Variants in CWC27 observed in about 807,000 individuals in gnomAD.
The protein encoded by CWC27 is CWC27 spliceosome associated cyclophilin, also known as spliceosome-associated protein CWC27 homolog.
A neutral mutation model predicts 63.6 loss-of-function variants in CWC27; 47 were observed. That is an observed-to-expected ratio of 0.74 (90% confidence interval 0.58 to 0.94). The LOEUF is 0.94. Ranked by LOEUF, CWC27 falls within the 40% of genes least tolerant of loss-of-function variation. The pLI is 0.00. For synonymous variants in CWC27, 175 were observed against 179.8 expected, an observed-to-expected ratio of 0.97 and a Z score of 0.22; for missense variants, 495 against 554.3, an observed-to-expected ratio of 0.89 and a Z score of 1.07.
chr5:64,829,667 A>C (rs1376329392), intron 10 of CWC27, among the ~76,000 whole-genome samples: 191 of 138,562 alleles, frequency 1.4e-3, no homozygotes, highest in African/African-American at 5.1e-3. Context: ...TTTTTACTAT[A>C]AGTTCTGGGA....
intron 2 of CWC27, among the ~76,000 whole-genome samples, chr5:64,775,333 C>G (rs1468188301): frequency 2.0e-5 from 3 of 152,148 alleles, no homozygotes; most frequent in African/African-American, 7.2e-5. Context: ...CTTGCCTGCT[C>G]CCCTTCCTGT....
chr5:64,923,988 A>G (rs1353994863), intron 11 of CWC27, among the ~76,000 whole-genome samples: 5 of 151,908 alleles, frequency 3.3e-5, no homozygotes, highest in Admixed American at 1.3e-4. Context: ...CCTTATAGAC[A>G]ATCTTATACA....
At chr5:64,889,520 A>G (rs1331449269) in intron 11 of CWC27, among the ~76,000 whole-genome samples, 1 of 152,236 alleles carries the variant, frequency 6.6e-6, no homozygotes, top group Non-Finnish European at 1.5e-5. Flanking sequence ...GGATTTAGAG[A>G]AAATCCAGTT....
chr5:64,970,567 G>A (rs1749106573), intron 11 of CWC27, among the ~76,000 whole-genome samples: 1 of 152,090 alleles, frequency 6.6e-6, no homozygotes. Context: ...AGTCGTGATG[G>A]CATACTCTTT....
intron 11 of CWC27, among the ~76,000 whole-genome samples, chr5:64,969,200 C>T (rs929832873): frequency 3.3e-5 from 5 of 152,186 alleles, no homozygotes; most frequent in Non-Finnish European, 2.9e-5. Flanking sequence ...TTACCTATGA[C>T]ATGAGATAGC....
At chr5:64,831,693 C>T (rs1023800206) in intron 10 of CWC27, among the ~76,000 whole-genome samples, 1 of 151,832 alleles carries the variant, frequency 6.6e-6, no homozygotes, top group African/African-American at 2.4e-5. Flanking sequence ...AACAAACCTG[C>T]TCATGTACCC....
At chr5:64,809,670 A>G (rs1333726694) in intron 10 of CWC27, among the ~76,000 whole-genome samples, 1 of 152,214 alleles carries the variant, frequency 6.6e-6, no homozygotes, top group Non-Finnish European at 1.5e-5. Context: ...CCAGGCCACA[A>G]AACTTATTCT....
chr5:65,011,123 C>A (rs1749946390), intron 13 of CWC27, among the ~76,000 whole-genome samples: 1 of 152,128 alleles, frequency 6.6e-6, no homozygotes, highest in African/African-American at 2.4e-5. Context: ...GCTTGGGAGG[C>A]AGAGGCAGGA....
intron 11 of CWC27, among the ~76,000 whole-genome samples, chr5:64,891,791 T>G (rs921745039): frequency 6.6e-6 from 1 of 151,632 alleles, no homozygotes; most frequent in Non-Finnish European, 1.5e-5. Context: ...TTGTTGTTGT[T>G]GTTGTTGTTG....
At chr5:64,840,362 T>TAA (rs10534375) in intron 10 of CWC27, among the ~76,000 whole-genome samples, 1 of 22,244 alleles carries the variant, frequency 4.5e-5, no homozygotes, top group African/African-American at 1.5e-4. Flanking sequence ...CCTTTTTCAT[T>TAA]AAAAAAAAAA....
At chr5:64,874,992 C>A (rs987780699) in intron 10 of CWC27, among the ~76,000 whole-genome samples, 10 of 152,028 alleles carry the variant, frequency 6.6e-5, no homozygotes, top group African/African-American at 2.2e-4. Flanking sequence ...TACTCCACTT[C>A]TGTGAAATCT....
intron 10 of CWC27, among the ~76,000 whole-genome samples, chr5:64,811,196 C>T (rs1227497314): frequency 1.3e-5 from 2 of 152,006 alleles, no homozygotes; most frequent in Non-Finnish European, 2.9e-5. Context: ...TATTTTAAAG[C>T]TTATTGTAAA....
chr5:64,820,978 C>T (rs1580640623), intron 10 of CWC27, among the ~76,000 whole-genome samples: 1 of 135,488 alleles, frequency 7.4e-6, no homozygotes, highest in Non-Finnish European at 1.6e-5. Context: ...GATTAAAAAA[C>T]AAGCCACAGA....
intron 10 of CWC27, among the ~76,000 whole-genome samples, chr5:64,811,951 A>G (rs1212367207): frequency 1.3e-5 from 2 of 152,022 alleles, no homozygotes; most frequent in Non-Finnish European, 2.9e-5. Context: ...TTTGAAATAT[A>G]TGATTAGGAA....
rs1328645521 is a variant in CWC27, at chr5:64,786,581, G to C, written c.553G>C (p.Glu185Gln). The stretch of plus-strand genomic sequence containing the variant: ...AAGGGAAATTAAAAGGCTGAAAAAA[G>C]AGAAACCAGAGGAGGAAGTAAAGAA... ...IPREIKRLKKEKPEEEVKKLK... is the reference protein window; with the variant it reads ...IPREIKRLKKQKPEEEVKKLK... The change falls in exon 6 of 14, where the codon GAG becomes CAG. Residue 185 changes from glutamate to glutamine, a missense_variant. Around this residue, in one of 3 missense-constraint regions of CWC27, gnomAD observed 463 missense variants for 498.1 expected, o/e 0.93. Coordinates refer to ENST00000381070, the MANE Select transcript of CWC27 (RefSeq NM_005869.4). 2 of 1,592,320 alleles carry C rather than the reference G, an allele frequency of 1.3e-6. No homozygotes were observed. The highest frequency in any genetic ancestry group is 1.8e-5 in the Admixed American group (1 of 56,080).
intron 10 of CWC27, among the ~76,000 whole-genome samples, chr5:64,884,442 G>A (rs990380641): frequency 6.6e-6 from 1 of 152,092 alleles, no homozygotes; most frequent in African/African-American, 2.4e-5. Context: ...ACTAATACAT[G>A]GCAGTGGTAA....
intron 11 of CWC27, among the ~76,000 whole-genome samples, chr5:64,911,002 T>A (rs1384414980): frequency 6.6e-6 from 1 of 152,118 alleles, no homozygotes; most frequent in East Asian, 1.9e-4. Context: ...CATACCTCAG[T>A]TGGAAATGCA....
chr5:65,006,394 A>G (rs1005397142), intron 13 of CWC27, among the ~76,000 whole-genome samples: 1 of 152,198 alleles, frequency 6.6e-6, no homozygotes, highest in Non-Finnish European at 1.5e-5. Flanking sequence ...AAGTACACAA[A>G]AAGTCATAGT....
intron 4 of CWC27, among the ~76,000 whole-genome samples, chr5:64,784,771 G>C (rs575046224): frequency 5.9e-5 from 9 of 152,204 alleles, no homozygotes; most frequent in Non-Finnish European, 1.2e-4. Flanking sequence ...TTGCAATGTT[G>C]TTGGTTAATA....
Sources: allele counts gnomAD v4.1 joint callset (sites outside exome capture counted in the v4.1 genomes callset), GRCh38; gene constraint gnomAD v4.1.1; regional missense constraint gnomAD v4.1.1; transcripts MANE v1.5; gene names NCBI Gene and HGNC (gene_info 2026-07-23, HGNC 2026-07-21).